The following RRM2B variants were observed in gnomAD, a reference collection of about 807,000 sequenced individuals.
RRM2B encodes the protein ribonucleoside-diphosphate reductase subunit M2 B.
Under a neutral mutation model 45.9 loss-of-function variants are expected in RRM2B, and 20 were observed. That is an observed-to-expected ratio of 0.44 (90% CI 0.31 to 0.63). The LOEUF is 0.63. Among genes scored for constraint, RRM2B ranks in the 30% least tolerant of loss-of-function variants. The pLI, the probability that RRM2B is intolerant of heterozygous loss-of-function variation, is 0.09. For synonymous variants in RRM2B, 124 were observed against 132.3 expected (o/e 0.94, Z 0.43); for missense variants, 320 against 414.7 (o/e 0.77, Z 1.98).
At chr8:102,231,414 G>A (rs969402167) in intron 2 of RRM2B, among the ~76,000 whole-genome samples, 5 of 152,128 alleles carry the variant, frequency 3.3e-5, no homozygotes, top group Non-Finnish European at 7.3e-5. Flanking sequence ...TTCATGCAGC[G>A]GCTCATTTTG....
Position 102,214,181 on chromosome 8 carries a change from T to C in RRM2B, c.685-23A>G, listed in dbSNP as rs1056063634. On this transcript the variant is annotated intron_variant, in intron 6 of 8. Coordinates refer to ENST00000251810, the MANE Select transcript of RRM2B (RefSeq NM_015713.5). ...TCCCTAAAAGGGAAGAAAAATGTCA[T>C]TGTCAAATAACTTTTAATCAGCTAT... 8.6e-6 allele frequency: 13 copies of C among 1,515,278 alleles called. 1 individual carries two copies. The highest frequency in any genetic ancestry group is 2.2e-5 in the South Asian group (2 of 89,104). The allele number at this position is 1,515,278 out of a possible 1,614,324, so 93.9% of individuals were successfully genotyped here. A position where few individuals can be genotyped will look rare whatever the true frequency, so the allele number is the denominator to read the frequency against.
intron 2 of RRM2B, among the ~76,000 whole-genome samples, chr8:102,227,846 T>C (rs532234439): frequency 6.6e-6 from 1 of 152,176 alleles, no homozygotes; most frequent in African/African-American, 2.4e-5. Context: ...ATCTCTCATG[T>C]CTCTTAAGGG....
At chr8:102,231,570 T>C (rs746132938) in intron 2 of RRM2B, among the ~76,000 whole-genome samples, 1 of 152,126 alleles carries the variant, frequency 6.6e-6, no homozygotes, top group Non-Finnish European at 1.5e-5. Flanking sequence ...TAAAAGTCTG[T>C]TTAAAAATAG....
intron 1 of RRM2B, among the ~76,000 whole-genome samples, 189 bp from the exon 2 acceptor site, chr8:102,232,493 GC>G (rs1171598103): frequency 6.6e-6 from 1 of 152,140 alleles, no homozygotes; most frequent in Non-Finnish European, 1.5e-5. Flanking sequence ...ATAGAAAGCT[GC>G]TTAACTTCTC....
chr8:102,219,617 T>C lies in RRM2B; in HGVS notation c.551-670A>G, dbSNP rs1810793098. 2.6e-5 allele frequency among the ~76,000 whole-genome samples: 4 copies of C among 152,234 alleles called. 1 individual carries two copies. The South Asian group carries it at 8.3e-4, about 31-fold the overall frequency. ...AGAAATCCATCTCCTATTAATAAATTGTCTACAGTGGCATCATATCTGTAA... is the reference window on the plus strand; with the variant it reads ...AGAAATCCATCTCCTATTAATAAATCGTCTACAGTGGCATCATATCTGTAA... On this transcript the variant is annotated intron_variant, in intron 5 of 8. Transcript: ENST00000251810.
At chr8:102,229,875 A>G (rs1462929831) in intron 2 of RRM2B, among the ~76,000 whole-genome samples, 5 of 152,128 alleles carry the variant, frequency 3.3e-5, no homozygotes, top group Non-Finnish European at 7.4e-5. Context: ...GTGAGCCACC[A>G]TGCTCGACCT....
At chr8:102,237,322 GTCTA>G (rs1354608093) in intron 1 of RRM2B, among the ~76,000 whole-genome samples, 9 of 152,178 alleles carry the variant, frequency 5.9e-5, no homozygotes, top group Non-Finnish European at 1.2e-4. Context: ...GCCCCTTCTA[GTCTA>G]TCTATGGACC....
chr8:102,208,835 G>A (rs2132540045), intron 8 of RRM2B, among the ~76,000 whole-genome samples: 1 of 152,264 alleles, frequency 6.6e-6, no homozygotes, highest in East Asian at 1.9e-4. Context: ...CTAACAAGAA[G>A]CTTTTTTACT....
chr8:102,223,911 G>T, intron 5 of RRM2B, 135 bp downstream of exon 5: 1 of 742,140 alleles, frequency 1.3e-6, no homozygotes. Context: ...TAATGATTTT[G>T]GTAAAGGTGC....
At chr8:102,231,301 T>G (rs1263189955) in intron 2 of RRM2B, among the ~76,000 whole-genome samples, 3 of 152,226 alleles carry the variant, frequency 2.0e-5, no homozygotes, top group Non-Finnish European at 4.4e-5. Flanking sequence ...GTGGCAACTC[T>G]GTCACGTTTG....
chr8:102,220,112 A>G (rs1810804768), intron 5 of RRM2B, among the ~76,000 whole-genome samples: 2 of 152,056 alleles, frequency 1.3e-5, no homozygotes, highest in African/African-American at 4.8e-5. Flanking sequence ...GGTGGTGCGC[A>G]CCTGTAGTCA....
chr8:102,238,437 G>C (rs1811162245), intron 1 of RRM2B: 2 of 822,286 alleles, frequency 2.4e-6, no homozygotes, highest in Admixed American at 6.7e-5. Context: ...CAAATGGTAT[G>C]CACCTCTCCA....
At chr8:102,209,518 C>G (rs28927377) in intron 8 of RRM2B, among the ~76,000 whole-genome samples, 1 of 152,114 alleles carries the variant, frequency 6.6e-6, no homozygotes, top group Non-Finnish European at 1.5e-5. Flanking sequence ...GAAATTAGAA[C>G]CCTCATACAG....
intron 6 of RRM2B, among the ~76,000 whole-genome samples, chr8:102,217,084 AT>A (rs1438141012): frequency 6.6e-5 from 10 of 152,112 alleles, no homozygotes; most frequent in Non-Finnish European, 1.2e-4. Flanking sequence ...AAACCTGGAA[AT>A]AATCTAAATT....
intron 1 of RRM2B, among the ~76,000 whole-genome samples, chr8:102,235,003 A>C (rs1811096101): frequency 6.6e-6 from 1 of 152,172 alleles, no homozygotes; most frequent in Non-Finnish European, 1.5e-5. Context: ...AAAATTTTGG[A>C]GGTTAAAGTG....
intron 8 of RRM2B, among the ~76,000 whole-genome samples, 160 bp downstream of exon 8, chr8:102,212,616 A>G (rs1810654414): frequency 6.6e-6 from 1 of 152,210 alleles, no homozygotes; most frequent in Non-Finnish European, 1.5e-5. Context: ...TTTAAATTTC[A>G]AAGGATTTTG....
chr8:102,226,318 C>A (rs1482243676), intron 2 of RRM2B, among the ~76,000 whole-genome samples: 1 of 148,112 alleles, frequency 6.8e-6, no homozygotes, highest in Non-Finnish European at 1.5e-5. Context: ...TAATGGGTAA[C>A]CATTTTATTA....
At chr8:102,237,320 T>C (rs1811137911) in intron 1 of RRM2B, among the ~76,000 whole-genome samples, 2 of 152,238 alleles carry the variant, frequency 1.3e-5, no homozygotes. Context: ...AAGCCCCTTC[T>C]AGTCTATCTA....
chr8:102,222,891 GCTAT>G (rs1810860052), intron 5 of RRM2B, among the ~76,000 whole-genome samples: 1 of 152,042 alleles, frequency 6.6e-6, no homozygotes, highest in Non-Finnish European at 1.5e-5. Context: ...GTTGATTATT[GCTAT>G]CTTAGAATGC....
Sources: gnomAD v4.1 joint callset for allele counts (sites outside exome capture counted in the v4.1 genomes callset) on GRCh38, gnomAD v4.1.1 for gene constraint, MANE v1.5 for transcripts, NCBI Gene and HGNC (gene_info 2026-07-23, HGNC 2026-07-21) for gene names.